Variants in ABCB1 observed in about 807,000 individuals in gnomAD.
The protein encoded by ABCB1 is ATP-dependent translocase ABCB1.
In ABCB1, 69 loss-of-function variants were observed where a neutral mutation model predicts 142.0. That is an observed-to-expected ratio of 0.49 (90% confidence interval 0.40 to 0.59). The LOEUF is 0.59. Ranked by LOEUF, ABCB1 falls within the 20% of genes least tolerant of loss-of-function variation. ABCB1 has a pLI of 0.00. For synonymous variants in ABCB1, 532 were observed against 539.2 expected (o/e 0.99, Z 0.18); for missense variants, 1,326 against 1,554.7 (o/e 0.85, Z 2.47).
At chr7:87,652,900 A>T (rs982172935) in intron 1 of ABCB1, among the ~76,000 whole-genome samples, 5 of 151,938 alleles carry the variant, frequency 3.3e-5, no homozygotes, top group Non-Finnish European at 7.4e-5. Flanking sequence ...TGTTTCTAAG[A>T]TCTACTTTTC....
intron 1 of ABCB1, among the ~76,000 whole-genome samples, chr7:87,641,721 TGAAA>T (rs1224293762): frequency 1.3e-5 from 2 of 152,228 alleles, no homozygotes; most frequent in Non-Finnish European, 2.9e-5. Context: ...AAATATTTTA[TGAAA>T]GAAAGAAAGT....
intron 1 of ABCB1, among the ~76,000 whole-genome samples, chr7:87,671,956 T>A (rs1164846183): frequency 6.6e-6 from 1 of 151,652 alleles, no homozygotes; most frequent in African/African-American, 2.4e-5. Flanking sequence ...TCCTGCCCAG[T>A]GAGGAGAAGT....
chr7:87,592,100 T>G (rs1400132751), intron 3 of ABCB1, among the ~76,000 whole-genome samples: 1 of 152,078 alleles, frequency 6.6e-6, no homozygotes, highest in African/African-American at 2.4e-5. Context: ...AATGGCGAAA[T>G]CAAGACAGAA....
rs537512246 is a variant in ABCB1, at chr7:87,690,490, C to T, written c.-331+22671G>A. Among the ~76,000 whole-genome samples the T allele has an allele frequency of 3.3e-5, 5 of 152,174 alleles. No individual in the cohort carries two copies. The East Asian group carries it at 5.8e-4, about 18-fold the overall frequency. ...TAAGATGTTAATACCTACCACCTACCTGTAAATGGCATTTTAAAGCAGTAT... is the reference window on the plus strand; with the variant it reads ...TAAGATGTTAATACCTACCACCTACTTGTAAATGGCATTTTAAAGCAGTAT... On this transcript the variant is annotated intron_variant, in intron 1 of 28. Transcript: ENST00000265724.
chr7:87,512,219 C>T (rs1268641464), intron 25 of ABCB1, among the ~76,000 whole-genome samples: 1 of 151,188 alleles, frequency 6.6e-6, no homozygotes, highest in Non-Finnish European at 1.5e-5. Flanking sequence ...AGTTGAATCC[C>T]TACAATTGTA....
chr7:87,595,233 G>T (rs1300024893), intron 3 of ABCB1, among the ~76,000 whole-genome samples: 3 of 152,104 alleles, frequency 2.0e-5, no homozygotes, highest in African/African-American at 7.2e-5. Flanking sequence ...ATTTTCATCT[G>T]TTTAACACAG....
Position 87,540,895 on chromosome 7 carries a change from T to C in ABCB1, c.2319+462A>G, listed in dbSNP as rs1816505203. The stretch of plus-strand genomic sequence containing the variant: ...ATTCTTCCATCACTGAAATGATTCT[T>C]TCTCCTTGAACAAAAGTTGAACGAT... On this transcript the variant is annotated intron_variant, in intron 18 of 27. Coordinates refer to ENST00000622132, the MANE Select transcript of ABCB1 (RefSeq NM_001348946.2). Among the ~76,000 whole-genome samples the C allele has an allele frequency of 2.0e-5, 3 of 152,252 alleles. No homozygotes were observed. In the South Asian group the frequency reaches 6.2e-4, roughly 32 times the overall value.
At chr7:87,536,318 A>T in intron 20 of ABCB1, 140 bp downstream of exon 20, 3 of 760,052 alleles carry the variant, frequency 3.9e-6, no homozygotes, top group Non-Finnish European at 7.0e-6. Context: ...TACAAAAAGC[A>T]TGTGATATAT....
chr7:87,514,692 C>T (rs972082574), intron 25 of ABCB1, among the ~76,000 whole-genome samples: 1 of 152,210 alleles, frequency 6.6e-6, no homozygotes, highest in Admixed American at 6.5e-5. Context: ...TCACTTACAT[C>T]TCCATTTCTT....
rs199607036 is a variant in ABCB1, at chr7:87,570,206, C to T, written c.304G>A (p.Gly102Arg). The T allele has an allele frequency of 6.2e-7, 1 of 1,613,030 alleles. No individual in the cohort carries two copies. The highest frequency in any genetic ancestry group is 1.7e-5 in the Admixed American group (1 of 60,018). The change falls in exon 5 of 28, where the codon GGG becomes AGG. Residue 102 changes from glycine (G) to arginine (R), a missense_variant. Gly to Arg is a moderately radical substitution (Grantham distance 125). Coordinates refer to ENST00000622132, the MANE Select transcript of ABCB1 (RefSeq NM_001348946.2). ...ITNRSDINDT[G>R]FFMNLEEDMT... ...TCTTCCTCCAGATTCATGAAGAACC[C>T]TGTATCATTGATATCACCTAGACCA...
Position 87,529,055 on chromosome 7 carries a change from G to A in ABCB1, c.2685+2239C>T, listed in dbSNP as rs375767977. 1.4e-4 allele frequency among the ~76,000 whole-genome samples: 22 copies of A among 152,302 alleles called. No homozygotes were observed. The East Asian group carries it at 1.7e-3, about 12-fold the overall frequency. On this transcript the variant is annotated intron_variant, in intron 21 of 27. Coordinates refer to ENST00000622132, the MANE Select transcript of ABCB1 (RefSeq NM_001348946.2). ...CCAAGTATGATCAGAAGCCATTTGG[G>A]AGTTTTAAGTAAGGGTTGGCATTAT...
chr7:87,580,476 T>A (rs1685999786), intron 4 of ABCB1, among the ~76,000 whole-genome samples: 1 of 152,220 alleles, frequency 6.6e-6, no homozygotes, highest in Admixed American at 6.5e-5. Context: ...CCTTTTAGGA[T>A]CCTTTCTTTA....
chr7:87,604,095 G>A (rs1819559191), upstream of ABCB1, among the ~76,000 whole-genome samples: 1 of 152,020 alleles, frequency 6.6e-6, no homozygotes, highest in African/African-American at 2.4e-5. Flanking sequence ...CCTTTATTAT[G>A]AGTATTAACA....
chr7:87,616,345 G>A (rs532517846), intron 1 of ABCB1, among the ~76,000 whole-genome samples: 11 of 152,318 alleles, frequency 7.2e-5, no homozygotes, highest in South Asian at 4.1e-4. Flanking sequence ...ACTATAAAGC[G>A]TTTGTTATAA....
intron 1 of ABCB1, among the ~76,000 whole-genome samples, chr7:87,708,764 C>T (rs1829821439): frequency 6.6e-6 from 1 of 152,026 alleles, no homozygotes; most frequent in South Asian, 2.1e-4. Flanking sequence ...AATTTCTTCT[C>T]TTCTAATTGT....
chr7:87,699,867 G>T (rs1471923799), intron 1 of ABCB1, among the ~76,000 whole-genome samples: 2 of 152,218 alleles, frequency 1.3e-5, no homozygotes, highest in Non-Finnish European at 2.9e-5. Flanking sequence ...GATGAGAATG[G>T]TTGGGTAGGT....
rs528059038 is a variant in ABCB1 at position 87,504,548 on chromosome 7, C to G, written c.3637-99G>C. 220 of 1,505,264 alleles carry G rather than the reference C, an allele frequency of 1.5e-4. 3 individuals carry two copies. The South Asian group carries it at 2.5e-3, about 17-fold the overall frequency. 93.2% of individuals were successfully genotyped at this position (1,505,264 alleles called of 1,614,324 possible). ...AGTAGGACGGGCATGGTGGCTCACG[C>G]CTGTAATCCCAGCACTTTGGGAGGC... On this transcript the variant is annotated intron_variant, in intron 27 of 27. Coordinates refer to ENST00000622132, the MANE Select transcript of ABCB1 (RefSeq NM_001348946.2).
At chr7:87,646,012 C>T (rs989601212) in intron 1 of ABCB1, among the ~76,000 whole-genome samples, 4 of 152,124 alleles carry the variant, frequency 2.6e-5, no homozygotes, top group Non-Finnish European at 5.9e-5. Flanking sequence ...CCTTAAATGT[C>T]TTTATGCTTG....
At chr7:87,704,711 C>A (rs1218299809) in intron 1 of ABCB1, among the ~76,000 whole-genome samples, 1 of 152,196 alleles carries the variant, frequency 6.6e-6, no homozygotes, top group East Asian at 1.9e-4. Context: ...TTGCTCAGGC[C>A]TCAAACAGAT....
Sources: gnomAD v4.1 joint callset for allele counts (sites outside exome capture counted in the v4.1 genomes callset) on GRCh38, gnomAD v4.1.1 for gene constraint, MANE v1.5 for transcripts, NCBI Gene and HGNC (gene_info 2026-07-23, HGNC 2026-07-21) for gene names.